The following CACNA2D3 variants were observed in gnomAD, a reference collection of about 807,000 sequenced individuals.
The protein encoded by CACNA2D3 is calcium voltage-gated channel auxiliary subunit alpha2delta 3.
Under a neutral mutation model 160.6 loss-of-function variants are expected in CACNA2D3, and 60 were observed. The ratio of observed to expected loss-of-function variants is 0.37; its 90% CI spans 0.30 to 0.46. The LOEUF is 0.46. Among genes scored for constraint, CACNA2D3 ranks in the 20% least tolerant of loss-of-function variants. CACNA2D3 has a pLI of 1.00. For synonymous variants in CACNA2D3, 558 were observed against 492.9 expected, an observed-to-expected ratio of 1.13 and a Z score of -1.75; for missense variants, 1,205 against 1,365.0, an observed-to-expected ratio of 0.88 and a Z score of 1.85.
chr3:54,170,588 G>A (rs1408418503), intron 2 of CACNA2D3, among the ~76,000 whole-genome samples: 1 of 151,996 alleles, frequency 6.6e-6, no homozygotes, highest in Non-Finnish European at 1.5e-5. Context: ...TCCTAGGAGG[G>A]CCAAGAAATC....
chr3:54,802,211 C>G (rs947825674), intron 13 of CACNA2D3, among the ~76,000 whole-genome samples: 1 of 152,056 alleles, frequency 6.6e-6, no homozygotes, highest in Admixed American at 6.6e-5. Flanking sequence ...ATGGAGTGAG[C>G]AACAGGGTGC....
chr3:54,175,280 T>C (rs866713712), intron 2 of CACNA2D3, among the ~76,000 whole-genome samples: 2 of 152,252 alleles, frequency 1.3e-5, no homozygotes, highest in African/African-American at 4.8e-5. Flanking sequence ...TGGGGGATGT[T>C]TCCTCTGGCC....
intron 11 of CACNA2D3, among the ~76,000 whole-genome samples, chr3:54,728,118 C>T (rs562785168): frequency 1.2e-4 from 19 of 152,158 alleles, no homozygotes; most frequent in Non-Finnish European, 2.5e-4. Context: ...AATCTATGGC[C>T]GGAAGTTTGT....
chr3:54,341,114 C>T (rs527877081), intron 3 of CACNA2D3, among the ~76,000 whole-genome samples: 17 of 152,336 alleles, frequency 1.1e-4, no homozygotes, highest in African/African-American at 3.6e-4. Flanking sequence ...TTTCCATGGT[C>T]ACTTTCACTA....
At chr3:54,998,083 C>A (rs1188937190) in intron 31 of CACNA2D3, among the ~76,000 whole-genome samples, 1 of 151,598 alleles carries the variant, frequency 6.6e-6, no homozygotes, top group Admixed American at 6.6e-5. Context: ...ATATGACCAT[C>A]AGAGATAATG....
intron 2 of CACNA2D3, among the ~76,000 whole-genome samples, chr3:54,293,614 G>T (rs1490651198): frequency 6.6e-6 from 1 of 151,638 alleles, no homozygotes; most frequent in East Asian, 1.9e-4. Context: ...ATACTATTCA[G>T]TAATAAAAAG....
chr3:54,125,831 G>A (rs1219999007), intron 2 of CACNA2D3, among the ~76,000 whole-genome samples: 1 of 152,184 alleles, frequency 6.6e-6, no homozygotes, highest in South Asian at 2.1e-4. Flanking sequence ...AAAACAAGTG[G>A]ATAATTGCTT....
intron 24 of CACNA2D3, among the ~76,000 whole-genome samples, chr3:54,889,360 G>T (rs1336911117): frequency 6.6e-6 from 1 of 152,154 alleles, no homozygotes; most frequent in African/African-American, 2.4e-5. Flanking sequence ...AATAGTAAAG[G>T]TTCGTACAGT....
intron 12 of CACNA2D3, 21 bp from the exon 13 acceptor site, chr3:54,764,197 C>T: frequency 1.2e-6 from 2 of 1,612,756 alleles, no homozygotes; most frequent in Non-Finnish European, 1.7e-6. Flanking sequence ...CTAAACTTGG[C>T]CCTCCCTTGG....
intron 18 of CACNA2D3, among the ~76,000 whole-genome samples, chr3:54,876,551 A>T (rs1029630884): frequency 2.0e-5 from 3 of 152,230 alleles, no homozygotes. Flanking sequence ...TTAAAAACTC[A>T]GAAATAATAT....
intron 35 of CACNA2D3, among the ~76,000 whole-genome samples, chr3:55,029,112 G>C (rs932430910): frequency 6.6e-6 from 1 of 152,172 alleles, no homozygotes; most frequent in African/African-American, 2.4e-5. Context: ...TTCTCAGTGA[G>C]TGCCCTGCAG....
Position 54,235,379 on chromosome 3 carries a change from C to T in CACNA2D3, c.205-85063C>T, listed in dbSNP as rs566960213. ...ATCTGCTCGGCTTCTGGGGAGGCCTCGGGAAACTTACAATCACAGCAGAAG... is the reference window on the plus strand; with the variant it reads ...ATCTGCTCGGCTTCTGGGGAGGCCTTGGGAAACTTACAATCACAGCAGAAG... On this transcript the variant is annotated intron_variant, in intron 2 of 37. Coordinates refer to ENST00000474759, the MANE Select transcript of CACNA2D3 (RefSeq NM_018398.3). 1.6e-3 allele frequency among the ~76,000 whole-genome samples: 244 copies of T among 152,176 alleles called. 1 individual carries two copies. The highest frequency in any genetic ancestry group is 0.01 in the Middle Eastern group (3 of 294).
At chr3:54,229,194 A>ATT (rs550039158) in intron 2 of CACNA2D3, among the ~76,000 whole-genome samples, 3 of 146,342 alleles carry the variant, frequency 2.0e-5, no homozygotes, top group Non-Finnish European at 3.0e-5. Flanking sequence ...CAGCTAATTA[A>ATT]TTTTTTTTTT....
intron 12 of CACNA2D3, among the ~76,000 whole-genome samples, chr3:54,755,048 G>A (rs1701946230): frequency 6.6e-6 from 1 of 152,166 alleles, no homozygotes; most frequent in Non-Finnish European, 1.5e-5. Context: ...ACTATGGCAT[G>A]CATACAGCCA....
intron 5 of CACNA2D3, among the ~76,000 whole-genome samples, chr3:54,556,469 A>G (rs983251530): frequency 2.0e-5 from 3 of 152,138 alleles, no homozygotes; most frequent in Admixed American, 2.0e-4. Context: ...GAAGGAAGCA[A>G]CCCTGCTGGC....
intron 29 of CACNA2D3, among the ~76,000 whole-genome samples, chr3:54,981,529 AGAGAGAGAGAAAGGGGGGCTGGG>A (rs1056167577): frequency 2.7e-5 from 4 of 149,624 alleles, no homozygotes; most frequent in African/African-American, 9.7e-5. Flanking sequence ...GAAAAAGGAG[AGAGAGAGAGAAAGGGGGGCTGGG>A]GAGAGAGAGA....
intron 13 of CACNA2D3, among the ~76,000 whole-genome samples, chr3:54,782,858 G>A (rs1180947634): frequency 1.3e-5 from 2 of 152,162 alleles, no homozygotes; most frequent in Non-Finnish European, 2.9e-5. Flanking sequence ...CTTCCTAACG[G>A]TGGAGTAGGG....
intron 13 of CACNA2D3, among the ~76,000 whole-genome samples, chr3:54,771,625 G>A (rs1336369109): frequency 1.3e-5 from 2 of 152,174 alleles, no homozygotes; most frequent in African/African-American, 4.8e-5. Context: ...AATGCTGTTT[G>A]TTTTCCTCCA....
rs1185415053 is a variant in CACNA2D3 at position 54,846,479 on chromosome 3, T to G, written c.1626+12T>G. The G allele has an allele frequency of 6.6e-7, 1 of 1,524,904 alleles. No homozygotes were observed. Among genetic ancestry groups the G allele is most frequent in the East Asian group, 2.3e-5 (1 of 43,924 alleles). 94.5% of individuals were successfully genotyped at this position (1,524,904 alleles called of 1,614,324 possible). A position where few individuals can be genotyped will look rare whatever the true frequency, so the allele number is the denominator to read the frequency against. ...AACTCAGGCTGCTGGTAAGAGAAAT[T>G]ATGTACTTCTGCATTTCTGCTTTTA... is the stretch of plus-strand genomic sequence containing the variant. On this transcript the variant is annotated intron_variant, in intron 17 of 37. Coordinates refer to ENST00000474759, the MANE Select transcript of CACNA2D3 (RefSeq NM_018398.3).
Sources: allele counts gnomAD v4.1 joint callset (sites outside exome capture counted in the v4.1 genomes callset), GRCh38; gene constraint gnomAD v4.1.1; transcripts MANE v1.5; gene names NCBI Gene and HGNC (gene_info 2026-07-23, HGNC 2026-07-21).